Variants in FOXN3 observed in about 807,000 individuals in gnomAD.
FOXN3 encodes forkhead box protein N3.
Under a neutral mutation model 38.4 loss-of-function variants are expected in FOXN3, and 7 were observed. The observed-to-expected ratio is 0.18, with a 90% CI of 0.10 to 0.34. The LOEUF is 0.34. FOXN3 is among the 10% of genes least tolerant of loss of function. FOXN3 has a pLI of 1.00. For synonymous variants in FOXN3, 230 were observed against 242.2 expected (o/e 0.95, Z 0.47); for missense variants, 456 against 613.4 (o/e 0.74, Z 2.71).
intron 2 of FOXN3, among the ~76,000 whole-genome samples, chr14:89,378,788 C>A (rs1223828336): frequency 1.3e-5 from 2 of 150,700 alleles, no homozygotes; most frequent in East Asian, 3.9e-4. Context: ...CTCACTGCAA[C>A]CTCTGCCTCC....
intron 4 of FOXN3, among the ~76,000 whole-genome samples, chr14:89,245,936 C>T (rs1701727137): frequency 6.6e-6 from 1 of 152,140 alleles, no homozygotes; most frequent in South Asian, 2.1e-4. Context: ...AATCAGAGTG[C>T]TGAGAATCAT....
chr14:89,360,730 C>T (rs1444482075), intron 2 of FOXN3, among the ~76,000 whole-genome samples: 2 of 140,412 alleles, frequency 1.4e-5, no homozygotes, highest in Non-Finnish European at 3.1e-5. Context: ...TCCACCACCA[C>T]CACCTCCAGC....
chr14:89,489,678 C>A (rs1034727183), intron 1 of FOXN3, among the ~76,000 whole-genome samples: 2 of 152,170 alleles, frequency 1.3e-5, no homozygotes, highest in Non-Finnish European at 2.9e-5. Flanking sequence ...GGACCATTTA[C>A]TAATTTATTT....
intron 1 of FOXN3, among the ~76,000 whole-genome samples, chr14:89,578,911 T>C (rs1596323315): frequency 6.6e-6 from 1 of 152,306 alleles, no homozygotes; most frequent in Middle Eastern, 3.4e-3. Context: ...GCAGTGGCAC[T>C]ATTACAGCTC....
intron 4 of FOXN3, among the ~76,000 whole-genome samples, chr14:89,217,544 C>A (rs1028857916): frequency 6.6e-6 from 1 of 152,192 alleles, no homozygotes; most frequent in Non-Finnish European, 1.5e-5. Flanking sequence ...GGTTCTAATT[C>A]GCCATTTCAT....
intron 1 of FOXN3, among the ~76,000 whole-genome samples, chr14:89,510,874 C>T (rs1031255644): frequency 3.3e-5 from 5 of 152,038 alleles, no homozygotes; most frequent in African/African-American, 9.7e-5. Flanking sequence ...ACCCGGGAGG[C>T]GGAAGTTGCA....
intron 3 of FOXN3, among the ~76,000 whole-genome samples, chr14:89,306,524 G>T (rs754366118): frequency 1.3e-5 from 2 of 152,000 alleles, no homozygotes; most frequent in African/African-American, 4.8e-5. Context: ...CCACCACCAC[G>T]CCCGGCTAAT....
chr14:89,584,208 G>C (rs1003590553), intron 1 of FOXN3, among the ~76,000 whole-genome samples: 4 of 148,126 alleles, frequency 2.7e-5, no homozygotes, highest in African/African-American at 9.8e-5. Context: ...GACCAGCCTG[G>C]CCAACATGGT....
chr14:89,611,534 C>T (rs551933321), intron 1 of FOXN3, among the ~76,000 whole-genome samples: 85 of 152,282 alleles, frequency 5.6e-4, no homozygotes, highest in African/African-American at 1.8e-3. Context: ...AGGCCGGGCG[C>T]GGTGGCTCAC....
intron 2 of FOXN3, among the ~76,000 whole-genome samples, chr14:89,370,761 C>T (rs1367402566): frequency 6.6e-6 from 1 of 152,218 alleles, no homozygotes; most frequent in African/African-American, 2.4e-5. Context: ...CACACAGAGC[C>T]GTAAATTACA....
At position 89,447,814 on chromosome 14, in the gene FOXN3, C is replaced by CTTTTTTTTTTT. The variant is rs3057950; in HGVS notation, c.-14-35335_-14-35325dup. 1.9e-4 allele frequency among the ~76,000 whole-genome samples: 18 copies of CTTTTTTTTTTT among 92,800 alleles called. 1 individual carries two copies. Among genetic ancestry groups the CTTTTTTTTTTT allele is most frequent in the Admixed American group, 4.8e-4 (3 of 6,280 alleles). 60.9% of individuals were successfully genotyped at this position (92,800 alleles called of 152,430 possible). A position where few individuals can be genotyped will look rare whatever the true frequency, so the allele number is the denominator to read the frequency against. The stretch of plus-strand genomic sequence containing the variant: ...CAGTGGTTTCCTGATGCCTTTCTTC[C>CTTTTTTTTTTT]TTTTTTTTTTTTTTTTTTTTTTGAG... On this transcript the variant is annotated intron_variant, in intron 1 of 6. Coordinates refer to the FOXN3 transcript ENST00000345097.
chr14:89,291,522 A>T, intron 3 of FOXN3: 1 of 586,952 alleles, frequency 1.7e-6, no homozygotes, highest in South Asian at 1.4e-5. Flanking sequence ...GGCCTGTGGG[A>T]CTCTGCAGAC....
intron 1 of FOXN3, among the ~76,000 whole-genome samples, chr14:89,530,672 C>T (rs976399229): frequency 5.9e-5 from 9 of 151,572 alleles, no homozygotes; most frequent in Admixed American, 3.3e-4. Flanking sequence ...TGCAGTGGCA[C>T]GATCTTGGCT....
intron 1 of FOXN3, among the ~76,000 whole-genome samples, chr14:89,564,211 A>T (rs1181473404): frequency 6.6e-6 from 1 of 152,136 alleles, no homozygotes; most frequent in Admixed American, 6.5e-5. Flanking sequence ...AGGAGAAAGG[A>T]TCATTGTGAT....
In FOXN3 at chr14:89,325,253, C is replaced by A. The variant is rs1338582098; in HGVS notation, c.680+25419G>T. Among the ~76,000 whole-genome samples, 13 of 145,706 alleles carry A rather than the reference C, an allele frequency of 8.9e-5. 1 individual carries two copies. The highest frequency in any genetic ancestry group is 3.5e-4 in the African/African-American group (13 of 37,254). On this transcript the variant is annotated intron_variant, in intron 3 of 5. Coordinates refer to ENST00000557258, the MANE Select transcript of FOXN3 (RefSeq NM_005197.4). ...ACCATCACTACCACCACCACGACCA[C>A]CACCACCACCACCATCACCAACACC... is the stretch of plus-strand genomic sequence containing the variant.
At chr14:89,453,443 C>T (rs1242888972) in intron 1 of FOXN3, among the ~76,000 whole-genome samples, 1 of 150,846 alleles carries the variant, frequency 6.6e-6, no homozygotes, top group Admixed American at 6.6e-5. Flanking sequence ...GCCTGTAGTC[C>T]CAGCTACTCG....
At chr14:89,248,857 G>A (rs2139875854) in intron 4 of FOXN3, among the ~76,000 whole-genome samples, 1 of 152,282 alleles carries the variant, frequency 6.6e-6, no homozygotes, top group Middle Eastern at 3.4e-3. Context: ...TTATTCAAGT[G>A]GAATACTTTA....
chr14:89,232,982 A>C (rs1884863509), intron 4 of FOXN3, among the ~76,000 whole-genome samples: 1 of 152,158 alleles, frequency 6.6e-6, no homozygotes, highest in South Asian at 2.1e-4. Context: ...ACAAAAAATA[A>C]CCACCTCCCC....
chr14:89,240,985 C>A (rs1385826591), intron 4 of FOXN3, among the ~76,000 whole-genome samples: 1 of 152,112 alleles, frequency 6.6e-6, no homozygotes, highest in Non-Finnish European at 1.5e-5. Context: ...ATACTTGCCA[C>A]CCACAATAAT....
Sources: gnomAD v4.1 joint callset for allele counts (sites outside exome capture counted in the v4.1 genomes callset) on GRCh38, gnomAD v4.1.1 for gene constraint, MANE v1.5 for transcripts, NCBI Gene and HGNC (gene_info 2026-07-23, HGNC 2026-07-21) for gene names.